The following DIP2B variants were observed in gnomAD, a reference collection of about 807,000 sequenced individuals.
The protein encoded by DIP2B is disco-interacting protein 2 homolog B.
DIP2B carries 76 observed loss-of-function variants against 198.0 expected under a neutral mutation model. That is an observed-to-expected ratio of 0.38 (90% CI 0.32 to 0.46). DIP2B has a LOEUF of 0.46. Among genes scored for constraint, DIP2B ranks in the 20% least tolerant of loss-of-function variants. The pLI, the probability that DIP2B is intolerant of heterozygous loss-of-function variation, is 0.99. For missense variants in DIP2B, 1,559 were observed against 1,978.4 expected (o/e 0.79, Z 4.02); for synonymous variants, 701 against 739.1 (o/e 0.95, Z 0.84).
intron 7 of DIP2B, among the ~76,000 whole-genome samples, chr12:50,678,100 T>C (rs1387549351): frequency 6.8e-6 from 1 of 147,950 alleles, no homozygotes; most frequent in African/African-American, 2.5e-5. Flanking sequence ...ACGAGATGAG[T>C]GCAGAGGTCT....
chr12:50,701,426 AG>A lies in DIP2B; in HGVS notation c.2325+2226del, dbSNP rs1416511432. Among the ~76,000 whole-genome samples the A allele has an allele frequency of 1.2e-4, 18 of 152,222 alleles. 1 individual carries two copies. Among genetic ancestry groups the A allele is most frequent in the Non-Finnish European group, 1.5e-5 (1 of 68,044 alleles). Reference sequence around the variant, plus strand: ...TAGGTGGGGTCTTGCTCTGTCGCCCAGGCGGAGTGCAGTGGTGCAATCTCGG... The same window carrying A: ...TAGGTGGGGTCTTGCTCTGTCGCCCAGCGGAGTGCAGTGGTGCAATCTCGG... On this transcript the variant is annotated intron_variant, in intron 19 of 37. Coordinates refer to ENST00000301180, the MANE Select transcript of DIP2B (RefSeq NM_173602.3).
At chr12:50,632,805 G>A (rs1938085391) in intron 2 of DIP2B, among the ~76,000 whole-genome samples, 1 of 152,058 alleles carries the variant, frequency 6.6e-6, no homozygotes, top group Admixed American at 6.5e-5. Context: ...CCGAAGTGCT[G>A]AGATTACGCG....
chr12:50,551,901 C>A (rs1201475784), intron 1 of DIP2B, among the ~76,000 whole-genome samples: 1 of 152,152 alleles, frequency 6.6e-6, no homozygotes, highest in Non-Finnish European at 1.5e-5. Context: ...CCTCAAGACC[C>A]TTTCAGTTCT....
intron 1 of DIP2B, among the ~76,000 whole-genome samples, chr12:50,549,104 G>A (rs774356812): frequency 6.6e-6 from 1 of 151,774 alleles, no homozygotes; most frequent in Non-Finnish European, 1.5e-5. Context: ...CAGCTGCTTC[G>A]GTTTTGGACT....
intron 1 of DIP2B, among the ~76,000 whole-genome samples, chr12:50,603,615 G>A (rs1434111395): frequency 2.6e-5 from 4 of 152,024 alleles, no homozygotes; most frequent in Non-Finnish European, 4.4e-5. Flanking sequence ...CCAGCTACTC[G>A]GGAGGGTGAG....
At chr12:50,566,904 G>A (rs1191010592) in intron 1 of DIP2B, among the ~76,000 whole-genome samples, 8 of 151,080 alleles carry the variant, frequency 5.3e-5, no homozygotes, top group African/African-American at 1.2e-4. Flanking sequence ...CCCCGGAGGC[G>A]GAGCTTGCAG....
chr12:50,697,055 C>G lies in DIP2B; in HGVS notation c.1934-6C>G, dbSNP rs750581260. ...AGCTTCAGGTTGATCTGTTCCAACT[C>G]CTTAGGGTCCGTGTCATCCTGTGAT... On this transcript the variant is annotated splice_polypyrimidine_tract_variant and splice_region_variant and intron_variant, in intron 16 of 37. Coordinates refer to ENST00000301180, the MANE Select transcript of DIP2B (RefSeq NM_173602.3). The G allele has an allele frequency of 9.9e-6, 16 of 1,612,208 alleles. No homozygotes were observed. Among genetic ancestry groups the G allele is most frequent in the African/African-American group, 1.3e-5 (1 of 74,844 alleles).
intron 1 of DIP2B, among the ~76,000 whole-genome samples, chr12:50,540,562 T>TG (rs1352259419): frequency 6.7e-6 from 1 of 150,006 alleles, no homozygotes; most frequent in Admixed American, 6.7e-5. Context: ...TTTTTTTTTT[T>TG]TGTTGAGATG....
intron 1 of DIP2B, among the ~76,000 whole-genome samples, chr12:50,548,548 C>T (rs538167651): frequency 1.3e-5 from 2 of 152,058 alleles, no homozygotes; most frequent in East Asian, 3.9e-4. Context: ...TTTTTTGAGA[C>T]TGAGTCTTGC....
intron 1 of DIP2B, among the ~76,000 whole-genome samples, chr12:50,595,210 G>A (rs1958868358): frequency 6.6e-6 from 1 of 152,248 alleles, no homozygotes; most frequent in African/African-American, 2.4e-5. Flanking sequence ...TTGCAAGCTA[G>A]TCGTGCACAC....
intron 1 of DIP2B, among the ~76,000 whole-genome samples, chr12:50,542,248 C>CAAAAAAAA (rs35430997): frequency 2.0e-5 from 1 of 51,210 alleles, no homozygotes; most frequent in Non-Finnish European, 4.2e-5. Flanking sequence ...GACTCCGTCT[C>CAAAAAAAA]AAAAAAAAAA....
chr12:50,658,819 T>C (rs1297849039), intron 3 of DIP2B, among the ~76,000 whole-genome samples: 2 of 152,146 alleles, frequency 1.3e-5, no homozygotes, highest in African/African-American at 4.8e-5. Flanking sequence ...CCGGGCGTGG[T>C]GGCTCACGCC....
Position 50,745,895 on chromosome 12 carries a change from T to C in DIP2B, c.*1056T>C, listed in dbSNP as rs1940334888. On this transcript the variant is annotated 3_prime_UTR_variant, in exon 38 of 38. Transcript: ENST00000301180. ...CAGTTTATCCATATAACTTCTCTTC[T>C]GAAAACTGAGGAGTGTCCTCTGTTC... 6.6e-6 allele frequency: 1 copy of C among 152,232 alleles called. No homozygotes were observed. The highest frequency in any genetic ancestry group is 6.5e-5 in the Admixed American group (1 of 15,286). 9.4% of individuals were successfully genotyped at this position (152,232 alleles called of 1,614,324 possible).
At chr12:50,691,294 TC>T (rs1279433702) in intron 13 of DIP2B, 143 bp downstream of exon 13, 1 of 796,348 alleles carries the variant, frequency 1.3e-6, no homozygotes, top group African/African-American at 1.8e-5. Context: ...GCTTTTGTTT[TC>T]TTCTTCTCAA....
rs564658288 is a variant in DIP2B, at chr12:50,620,472, C to T, written c.101-5504C>T. Among the ~76,000 whole-genome samples the T allele has an allele frequency of 2.8e-4, 43 of 152,270 alleles. No individual in the cohort carries two copies. The South Asian group carries it at 8.7e-3, about 31-fold the overall frequency. On this transcript the variant is annotated intron_variant, in intron 1 of 37. Transcript: ENST00000301180. ...CTGATGCAGCTGGACAGTCTCACAG[C>T]GTGTGGGTCGCAGACTCGCCACGAC...
intron 3 of DIP2B, among the ~76,000 whole-genome samples, chr12:50,643,026 CTG>C (rs10651157): frequency 2.7e-5 from 4 of 149,690 alleles, no homozygotes; most frequent in African/African-American, 4.9e-5. Context: ...CTGGGAGTTT[CTG>C]TGTGTGTGTG....
At chr12:50,663,176 C>G (rs1319137343) in intron 4 of DIP2B, among the ~76,000 whole-genome samples, 1 of 152,158 alleles carries the variant, frequency 6.6e-6, no homozygotes, top group Non-Finnish European at 1.5e-5. Flanking sequence ...CCTGTAATCC[C>G]AGCACTTTGG....
chr12:50,607,984 G>A (rs1213998430), intron 1 of DIP2B, among the ~76,000 whole-genome samples: 2 of 152,084 alleles, frequency 1.3e-5, no homozygotes, highest in Admixed American at 1.3e-4. Flanking sequence ...GTAGAGACAG[G>A]TTTTTACCAT....
At chr12:50,671,967 C>A (rs530165363) in intron 5 of DIP2B, among the ~76,000 whole-genome samples, 26 of 152,194 alleles carry the variant, frequency 1.7e-4, no homozygotes, top group African/African-American at 6.0e-4. Context: ...TTTTGCTTGC[C>A]CCTGCTTTAT....
Sources: gnomAD v4.1 joint callset for allele counts (sites outside exome capture counted in the v4.1 genomes callset) on GRCh38, gnomAD v4.1.1 for gene constraint, MANE v1.5 for transcripts, NCBI Gene and HGNC (gene_info 2026-07-23, HGNC 2026-07-21) for gene names.